Variants in ZNF804B observed in about 807,000 individuals in gnomAD.
ZNF804B encodes the protein zinc finger 804B.
ZNF804B carries 80 observed loss-of-function variants against 101.4 expected under a neutral mutation model. That is an observed-to-expected ratio of 0.79 (90% CI 0.66 to 0.95). The LOEUF (loss-of-function observed/expected upper bound fraction) is 0.95. ZNF804B is among the 40% of genes least tolerant of loss of function. The probability of loss-of-function intolerance (pLI) is 0.00; values close to 1 mark genes in which losing one functional copy is unlikely to be tolerated. For synonymous variants in ZNF804B, 622 were observed against 558.8 expected, an observed-to-expected ratio of 1.11 and a Z score of -1.59; for missense variants, 1,673 against 1,561.9, an observed-to-expected ratio of 1.07 and a Z score of -1.20.
At position 89,167,467 on chromosome 7, in the gene ZNF804B, A is replaced by AAATAAATAAATTAATT. The variant is rs371610618; in HGVS notation, c.109-50683_109-50682insATAAATTAATTAATAA. ...CTTATAAATAAATAAATAAATAAAT[A>AAATAAATAAATTAATT]AATAATCCCTGTATAAGTGAACTCT... On this transcript the variant is annotated intron_variant, in intron 1 of 3. Transcript: ENST00000333190. Among the ~76,000 whole-genome samples the AAATAAATAAATTAATT allele has an allele frequency of 1.6e-3, 236 of 151,534 alleles. 1 individual carries two copies. Among genetic ancestry groups the AAATAAATAAATTAATT allele is most frequent in the South Asian group, 4.8e-3 (23 of 4,790 alleles).
intron 1 of ZNF804B, chr7:88,794,316 GAGGA>G (rs1392203817): frequency 1.2e-6 from 2 of 1,613,760 alleles, no homozygotes; most frequent in Non-Finnish European, 1.7e-6. Context: ...TTTGTTCTGG[GAGGA>G]GTAGGTCAGG....
intron 1 of ZNF804B, among the ~76,000 whole-genome samples, chr7:89,205,935 TGGACATACAGGCA>T: frequency 6.6e-6 from 1 of 152,218 alleles, no homozygotes; most frequent in South Asian, 2.1e-4. Flanking sequence ...AACTTCTACC[TGGACATACAGGCA>T]TTTCCATACA....
At chr7:89,275,351 T>C (rs887675132) in intron 2 of ZNF804B, among the ~76,000 whole-genome samples, 15 of 152,012 alleles carry the variant, frequency 9.9e-5, no homozygotes, top group Non-Finnish European at 2.1e-4. Flanking sequence ...CTTGTACATC[T>C]CACTTTTAAT....
At chr7:89,298,672 C>T (rs538678787) in intron 2 of ZNF804B, among the ~76,000 whole-genome samples, 14 of 151,748 alleles carry the variant, frequency 9.2e-5, no homozygotes, top group Middle Eastern at 3.4e-3. Context: ...TAGACTGTTA[C>T]GAAAAAGCTT....
rs1201705753 is a variant in ZNF804B, at chr7:89,016,754, T to C, written c.109-201401T>C. Among the ~76,000 whole-genome samples the C allele has an allele frequency of 2.6e-4, 39 of 152,186 alleles. 2 individuals are homozygous for C. The highest frequency in any genetic ancestry group is 1.5e-5 in the Non-Finnish European group (1 of 68,042). On this transcript the variant is annotated intron_variant, in intron 1 of 3. Transcript: ENST00000333190. ...TGGTTACTGTAGCCTTGTAGTATAG[T>C]TTGAAGTCAGGTAGTGTGATGCCTC...
chr7:89,015,299 T>C (rs531362073), intron 1 of ZNF804B, among the ~76,000 whole-genome samples: 1 of 151,496 alleles, frequency 6.6e-6, no homozygotes, highest in African/African-American at 2.4e-5. Context: ...TAGCTTTGTT[T>C]CTTTTTTCTT....
intron 2 of ZNF804B, among the ~76,000 whole-genome samples, chr7:89,264,559 T>C (rs1326259398): frequency 1.3e-5 from 2 of 152,162 alleles, no homozygotes; most frequent in Non-Finnish European, 2.9e-5. Flanking sequence ...CTTCTGTTTC[T>C]TCTGATTGAC....
chr7:88,916,543 A>G (rs1237513591), intron 1 of ZNF804B, among the ~76,000 whole-genome samples: 1 of 152,126 alleles, frequency 6.6e-6, no homozygotes, highest in African/African-American at 2.4e-5. Flanking sequence ...ATTGATGACA[A>G]TTAAGACTTA....
chr7:89,101,070 A>T (rs1790048226), intron 1 of ZNF804B, among the ~76,000 whole-genome samples: 1 of 152,056 alleles, frequency 6.6e-6, no homozygotes, highest in African/African-American at 2.4e-5. Context: ...TTCAAACTGA[A>T]ATTCATTAAT....
intron 1 of ZNF804B, among the ~76,000 whole-genome samples, chr7:89,006,818 T>C (rs532102595): frequency 2.6e-5 from 4 of 152,260 alleles, no homozygotes; most frequent in African/African-American, 9.6e-5. Flanking sequence ...TAGATTAATT[T>C]TTTTTTCTTA....
intron 1 of ZNF804B, among the ~76,000 whole-genome samples, chr7:88,805,716 A>G (rs1472017771): frequency 1.3e-5 from 2 of 152,186 alleles, no homozygotes; most frequent in Non-Finnish European, 2.9e-5. Flanking sequence ...GGTCTAGAGT[A>G]AGAATGCAGT....
chr7:89,115,904 G>GTTTT (rs112266242), intron 1 of ZNF804B, among the ~76,000 whole-genome samples: 4 of 146,054 alleles, frequency 2.7e-5, no homozygotes, highest in Admixed American at 6.8e-5. Flanking sequence ...AGGTTTTTTT[G>GTTTT]TTTTTTTTTT....
intron 1 of ZNF804B, among the ~76,000 whole-genome samples, chr7:88,948,589 C>A (rs780998157): frequency 2.6e-5 from 4 of 151,860 alleles, no homozygotes; most frequent in Non-Finnish European, 5.9e-5. Flanking sequence ...GTACCTGGCC[C>A]ATGCCACCAG....
At chr7:89,025,055 C>T (rs79461032) in intron 1 of ZNF804B, among the ~76,000 whole-genome samples, 3,761 of 152,130 alleles carry the variant, frequency 0.025, 165 homozygotes, top group African/African-American at 0.086. Context: ...CACTCCTCTT[C>T]TAAAGTCTTT....
chr7:89,219,705 G>A (rs1788952239), intron 2 of ZNF804B, among the ~76,000 whole-genome samples: 1 of 145,554 alleles, frequency 6.9e-6, no homozygotes, highest in African/African-American at 2.6e-5. Flanking sequence ...ACACATTCCT[G>A]ATACCAAATG....
chr7:88,935,776 T>G (rs2116030935), intron 1 of ZNF804B, among the ~76,000 whole-genome samples: 1 of 152,082 alleles, frequency 6.6e-6, no homozygotes, highest in South Asian at 2.1e-4. Flanking sequence ...TCAGGAAAAT[T>G]ACTAAAAAAA....
intron 1 of ZNF804B, chr7:88,794,520 C>T (rs1331640135): frequency 6.2e-7 from 1 of 1,613,514 alleles, no homozygotes; most frequent in African/African-American, 1.3e-5. Flanking sequence ...GCATAAAAAG[C>T]CTCATTGGAA....
chr7:88,853,962 A>C (rs986555005), intron 1 of ZNF804B, among the ~76,000 whole-genome samples: 1 of 152,172 alleles, frequency 6.6e-6, no homozygotes, highest in Middle Eastern at 3.2e-3. Flanking sequence ...GATTTAGCAC[A>C]TTGTTTAAAA....
At position 89,335,268 on chromosome 7, in the gene ZNF804B, C is replaced by T. The variant is rs923729131; in HGVS notation, c.2286C>T (p.Cys762=). Residue 762 remains cysteine (C), a synonymous_variant, in exon 4 of 4, where the codon TGC becomes TGT. Transcript: ENST00000333190. ...RHKRKCLKHN[C]FYLSDDITKS... ...AACGGAAATGTCTAAAGCACAACTG[C>T]TTCTACTTGTCTGATGATATAACAA... 1.2e-6 allele frequency: 2 copies of T among 1,613,750 alleles called. No homozygotes were observed. The highest frequency in any genetic ancestry group is 1.7e-6 in the Non-Finnish European group (2 of 1,179,928).
Sources: gnomAD v4.1 joint callset for allele counts (sites outside exome capture counted in the v4.1 genomes callset) on GRCh38, gnomAD v4.1.1 for gene constraint, MANE v1.5 for transcripts, NCBI Gene and HGNC (gene_info 2026-07-23, HGNC 2026-07-21) for gene names.